RECK: variants seen among roughly 807,000 people sequenced by gnomAD.
RECK encodes the protein reversion inducing cysteine rich protein with kazal motifs.
In RECK, 69 loss-of-function variants were observed where a neutral mutation model predicts 115.1. That is an observed-to-expected ratio of 0.60 (90% confidence interval 0.49 to 0.73). RECK has a LOEUF of 0.73. Among genes scored for constraint, RECK ranks in the 30% least tolerant of loss-of-function variants. The probability of loss-of-function intolerance (pLI) is 0.00; values close to 1 mark genes in which losing one functional copy is unlikely to be tolerated. For missense variants in RECK, 1,047 were observed against 1,203.7 expected (o/e 0.87, Z 1.93); for synonymous variants, 414 against 419.7 (o/e 0.99, Z 0.17).
chr9:36,067,582 A>G (rs938241691), intron 6 of RECK, among the ~76,000 whole-genome samples: 1 of 152,204 alleles, frequency 6.6e-6, no homozygotes, highest in Non-Finnish European at 1.5e-5. Flanking sequence ...AACCAGTTTA[A>G]TATAAAGCAT....
Position 36,108,120 on chromosome 9 carries a change from G to T in RECK, c.1721G>T (p.Cys574Phe), listed in dbSNP as rs1408402855. The T allele has an allele frequency of 6.2e-7, 1 of 1,609,104 alleles. No individual in the cohort carries two copies. Among genetic ancestry groups the T allele is most frequent in the Non-Finnish European group, 8.5e-7 (1 of 1,178,738 alleles). The change falls in exon 14 of 21, where the codon TGT becomes TTT. Residue 574 changes from cysteine to phenylalanine, a missense_variant. Cys to Phe is a radical substitution (Grantham distance 205). Coordinates refer to ENST00000377966, the MANE Select transcript of RECK (RefSeq NM_021111.3). ...GLLENCMEMH[C>F]IDLQKSCIVG... ...TTAGAAAACTGTATGGAAATGCACT[G>T]TATAGACCTCCAGAAGTCTTGTATT...
At chr9:36,075,828 A>G (rs1822426137) in intron 6 of RECK, among the ~76,000 whole-genome samples, 1 of 152,222 alleles carries the variant, frequency 6.6e-6, no homozygotes, top group South Asian at 2.1e-4. Context: ...AAACATTAAC[A>G]TAACAGTTAA....
At chr9:36,116,104 T>C (rs1302351451) in intron 16 of RECK, among the ~76,000 whole-genome samples, 1 of 151,458 alleles carries the variant, frequency 6.6e-6, no homozygotes, top group African/African-American at 2.4e-5. Context: ...ACCTGAATTA[T>C]TTTAGGACAA....
chr9:36,120,709 C>A lies in RECK; in HGVS notation c.2511C>A (p.Asp837Glu). 1 of 1,612,532 alleles carries A rather than the reference C, an allele frequency of 6.2e-7. No homozygotes were observed. Among genetic ancestry groups the A allele is most frequent in the Non-Finnish European group, 8.5e-7 (1 of 1,178,598 alleles). Reference sequence around the variant, plus strand: ...CTGGGATGTTAAGAGTTTTATTTGACAAAGAAAAACTGGATACTATTGCTA... The same window carrying A: ...CTGGGATGTTAAGAGTTTTATTTGAAAAAGAAAAACTGGATACTATTGCTA... ...LCAGMLRVLF[D>E]KEKLDTIAKV... The change falls in exon 19 of 21, where the codon GAC becomes GAA. Residue 837 changes from aspartate (D) to glutamate (E), a missense_variant. Physicochemically the swap from Asp to Glu is conservative, Grantham distance 45. Coordinates refer to ENST00000377966, the MANE Select transcript of RECK (RefSeq NM_021111.3).
At chr9:36,109,736 T>A (rs1377058100) in intron 14 of RECK, among the ~76,000 whole-genome samples, 2 of 151,434 alleles carry the variant, frequency 1.3e-5, no homozygotes, top group Non-Finnish European at 2.9e-5. Context: ...CCCAGTTACT[T>A]GGGAAGCTGA....
chr9:36,041,805 C>G (rs906544209), intron 1 of RECK, among the ~76,000 whole-genome samples: 3 of 145,786 alleles, frequency 2.1e-5, no homozygotes, highest in Non-Finnish European at 3.0e-5. Context: ...AGTTTCCACA[C>G]CCTCATAAAA....
chr9:36,037,229 C>A, intron 1 of RECK, 131 bp downstream of exon 1: 1 of 516,952 alleles, frequency 1.9e-6, no homozygotes, highest in Non-Finnish European at 2.9e-6. Context: ...ACCCCGGGAC[C>A]CCAGGTCTCA....
chr9:36,123,152 GT>G lies in RECK; in HGVS notation c.*108del. 1.2e-6 allele frequency: 1 copy of G among 806,368 alleles called. No individual in the cohort carries two copies. The highest frequency in any genetic ancestry group is 2.6e-5 in the East Asian group (1 of 39,034). 50.0% of individuals were successfully genotyped at this position (806,368 alleles called of 1,614,324 possible). ...GAATATTGGCCAAGGAAAGGCACAT[GT>G]CACCTCTATTCGCCACACAGTATTT... On this transcript the variant is annotated 3_prime_UTR_variant, in exon 21 of 21. Transcript: ENST00000377966.
In RECK at chr9:36,084,194, T is replaced by C. The variant is rs147467108; in HGVS notation, c.637+632T>C. On this transcript the variant is annotated intron_variant, in intron 8 of 20. Coordinates refer to ENST00000377966, the MANE Select transcript of RECK (RefSeq NM_021111.3). The stretch of plus-strand genomic sequence containing the variant: ...GCAGATCGTTTTGCGCTCAGGAGTT[T>C]GAGACCAGCCTGGGCAACATGGTGA... Among the ~76,000 whole-genome samples, 91 of 151,554 alleles carry C rather than the reference T, an allele frequency of 6.0e-4. 1 individual carries two copies. In the East Asian group the frequency reaches 0.011, roughly 18 times the overall value.
intron 8 of RECK, among the ~76,000 whole-genome samples, chr9:36,084,562 G>T (rs1463665715): frequency 6.6e-6 from 1 of 151,680 alleles, no homozygotes; most frequent in Non-Finnish European, 1.5e-5. Context: ...AGGTGTGGTG[G>T]CACATGCCTG....
chr9:36,066,624 C>T (rs1300645881), intron 6 of RECK: 5 of 319,414 alleles, frequency 1.6e-5, no homozygotes, highest in Non-Finnish European at 2.2e-5. Context: ...GAAAGGAGCC[C>T]TGCTACAGAG....
Position 36,102,139 on chromosome 9 carries a change from A to T in RECK, c.1344A>T (p.Lys448Asn), listed in dbSNP as rs1325343186. ...TTAAAAAATGTGGAGACCAGAACAA[A>T]TTCCCTGAAGACCACACAGCTGAAA... ...EILKKCGDQNKFPEDHTAESI... is the reference protein window; with the variant it reads ...EILKKCGDQNNFPEDHTAESI... The change falls in exon 12 of 21, where the codon AAA becomes AAT. Residue 448 changes from lysine to asparagine, a missense_variant. Lys to Asn is a moderately conservative substitution (Grantham distance 94). Coordinates refer to ENST00000377966, the MANE Select transcript of RECK (RefSeq NM_021111.3). 1 of 1,613,840 alleles carries T rather than the reference A, an allele frequency of 6.2e-7. No individual in the cohort carries two copies. Among genetic ancestry groups the T allele is most frequent in the African/African-American group, 1.3e-5 (1 of 74,924 alleles).
rs1014415125 is a variant in RECK, at chr9:36,045,576, A to G, written c.101-6689A>G. On this transcript the variant is annotated intron_variant, in intron 1 of 20. Transcript: ENST00000377966. ...ACACTGTTTTAGTTGTTCTTTAGGG[A>G]GACATTAATTAGAGGGAATCTTTTT... 4.6e-5 allele frequency among the ~76,000 whole-genome samples: 7 copies of G among 150,822 alleles called. No homozygotes were observed. In the East Asian group the frequency reaches 1.4e-3, roughly 29 times the overall value.
chr9:36,040,822 T>A (rs538188269), intron 1 of RECK, among the ~76,000 whole-genome samples: 2 of 151,030 alleles, frequency 1.3e-5, no homozygotes, highest in East Asian at 1.9e-4. Flanking sequence ...GTTTTTTTTT[T>A]AATCATGAGC....
intron 16 of RECK, among the ~76,000 whole-genome samples, chr9:36,116,446 G>A (rs957611238): frequency 6.6e-6 from 1 of 152,106 alleles, no homozygotes; most frequent in Admixed American, 6.6e-5. Flanking sequence ...TCTTAAGGTA[G>A]ACTCATATTA....
At chr9:36,047,951 A>C (rs1821130545) in intron 1 of RECK, among the ~76,000 whole-genome samples, 1 of 151,566 alleles carries the variant, frequency 6.6e-6, no homozygotes, top group African/African-American at 2.4e-5. Context: ...CTTGGTTGGT[A>C]AGATCTGAAG....
rs775107099 is a variant in RECK, at chr9:36,118,984, G to C, written c.2464+17G>C. On this transcript the variant is annotated intron_variant, in intron 18 of 20. Coordinates refer to ENST00000377966, the MANE Select transcript of RECK (RefSeq NM_021111.3). Reference sequence around the variant, plus strand: ...TCCCACCGGGTAGGCTGGCAGTATCGGGGTGGACAGGGGAGGACTGAGAAG... The same window carrying C: ...TCCCACCGGGTAGGCTGGCAGTATCCGGGTGGACAGGGGAGGACTGAGAAG... 1.1e-5 allele frequency: 18 copies of C among 1,607,710 alleles called. No individual in the cohort carries two copies. The highest frequency in any genetic ancestry group is 1.4e-5 in the Non-Finnish European group (17 of 1,176,350).
intron 1 of RECK, among the ~76,000 whole-genome samples, chr9:36,048,552 T>TA (rs1240757800): frequency 1.9e-4 from 29 of 152,148 alleles, no homozygotes; most frequent in Non-Finnish European, 7.4e-5. Flanking sequence ...ATCTCAGCCC[T>TA]ATCTATTTTC....
chr9:36,084,364 C>T (rs903095505), intron 8 of RECK, among the ~76,000 whole-genome samples: 1 of 151,658 alleles, frequency 6.6e-6, no homozygotes, highest in Non-Finnish European at 1.5e-5. Flanking sequence ...GCACTCCAGT[C>T]TGGATGACAG....
Sources: gnomAD v4.1 joint callset for allele counts (sites outside exome capture counted in the v4.1 genomes callset) on GRCh38, gnomAD v4.1.1 for gene constraint, MANE v1.5 for transcripts, NCBI Gene and HGNC (gene_info 2026-07-23, HGNC 2026-07-21) for gene names.